Variants in RAB3A observed in about 807,000 individuals in gnomAD.
RAB3A encodes the protein ras-related protein Rab-3A.
A neutral mutation model predicts 19.7 loss-of-function variants in RAB3A; 5 were observed. The observed-to-expected ratio is 0.25, with a 90% CI of 0.13 to 0.53. RAB3A has a LOEUF of 0.53. Ranked by LOEUF, RAB3A falls within the 20% of genes least tolerant of loss-of-function variation. RAB3A has a pLI of 0.95. For missense variants in RAB3A, 189 were observed against 305.6 expected (o/e 0.62, Z 2.85); for synonymous variants, 119 against 122.1 (o/e 0.97, Z 0.17).
At chr19:18,203,244 G>A (rs188491788) in intron 1 of RAB3A, among the ~76,000 whole-genome samples, 14 of 152,352 alleles carry the variant, frequency 9.2e-5, no homozygotes, top group Non-Finnish European at 1.8e-4. Context: ...ACACGCTCAC[G>A]TGCACACAGC....
chr19:18,203,099 C>T (rs1169543630), intron 1 of RAB3A, among the ~76,000 whole-genome samples: 2 of 152,204 alleles, frequency 1.3e-5, no homozygotes, highest in Admixed American at 6.5e-5. Flanking sequence ...CCTCAGAACC[C>T]GGCCGCGCGG....
intron 3 of RAB3A, among the ~76,000 whole-genome samples, chr19:18,199,738 G>A (rs1967582820): frequency 6.7e-6 from 1 of 150,108 alleles, no homozygotes; most frequent in South Asian, 2.1e-4. Flanking sequence ...TGGTCAGGCT[G>A]GTCTCGAACT....
chr19:18,201,913 G>A (rs1967618670), intron 2 of RAB3A, among the ~76,000 whole-genome samples: 1 of 152,082 alleles, frequency 6.6e-6, no homozygotes, highest in East Asian at 1.9e-4. Flanking sequence ...AATCCAGCCT[G>A]GGCAACAGAG....
intron 4 of RAB3A, 85 bp downstream of exon 4, chr19:18,198,640 G>A (rs756693684): frequency 3.2e-6 from 5 of 1,539,396 alleles, no homozygotes; most frequent in Non-Finnish European, 4.4e-6. Flanking sequence ...CCTGGCTTTA[G>A]CTGTAAGACC....
intron 4 of RAB3A, 113 bp downstream of exon 4, chr19:18,198,612 T>G: frequency 7.3e-7 from 1 of 1,374,078 alleles, no homozygotes; most frequent in East Asian, 2.4e-5. Flanking sequence ...AAGGCTAGTT[T>G]GCAGAAAGTG....
intron 2 of RAB3A, 90 bp from the exon 3 acceptor site, chr19:18,200,535 T>A: frequency 8.8e-7 from 1 of 1,139,066 alleles, no homozygotes. Flanking sequence ...TTCAGCCCCC[T>A]GGGAGAAGCA....
intron 2 of RAB3A, among the ~76,000 whole-genome samples, chr19:18,200,727 G>A (rs1180850563): frequency 6.6e-6 from 1 of 152,070 alleles, no homozygotes; most frequent in Non-Finnish European, 1.5e-5. Context: ...TTGAACCCAG[G>A]AGTTCCAGAC....
Position 18,202,972 on chromosome 19 carries a change from C to T in RAB3A, c.1-232G>A, listed in dbSNP as rs1230933813. On this transcript the variant is annotated intron_variant, in intron 1 of 4. Coordinates refer to ENST00000222256, the MANE Select transcript of RAB3A (RefSeq NM_002866.5). The surrounding 1 kb of genome is among the most constrained non-coding windows in gnomAD (Gnocchi z 4.2). ...GCTCAGAGGGTTGCCGATGGGGACA[C>T]CCCAGCAGCCCCCTTCAAGGGGCAG... is the stretch of plus-strand genomic sequence containing the variant. 1 of 503,544 alleles carries T rather than the reference C, an allele frequency of 2.0e-6. No individual in the cohort carries two copies. The highest frequency in any genetic ancestry group is 1.9e-5 in the African/African-American group (1 of 51,960). 31.2% of individuals were successfully genotyped at this position (503,544 alleles called of 1,614,324 possible). A position where few individuals can be genotyped will look rare whatever the true frequency, so the allele number is the denominator to read the frequency against.
Position 18,202,480 on chromosome 19 carries a change from G to A in RAB3A, c.228+33C>T, listed in dbSNP as rs774746790. On this transcript the variant is annotated intron_variant, in intron 2 of 4. Transcript: ENST00000222256. The surrounding 1 kb of genome is among the most constrained non-coding windows in gnomAD (Gnocchi z 4.2). ...CTTTTCCAAGTACGGGAATCCAACC[G>A]AGCCGGGCGGGAGCCCTCCAGCTGG... 6.9e-6 allele frequency: 11 copies of A among 1,593,448 alleles called. No individual in the cohort carries two copies. Among genetic ancestry groups the A allele is most frequent in the South Asian group, 6.6e-5 (6 of 90,542 alleles).
chr19:18,197,682 A>G, intron 4 of RAB3A, 22 bp from the exon 5 acceptor site: 10 of 1,591,864 alleles, frequency 6.3e-6, no homozygotes, highest in Non-Finnish European at 8.6e-6. Flanking sequence ...GAAGGCAGGG[A>G]TGAGGACCCT....
chr19:18,198,752 G>A lies in RAB3A; in HGVS notation c.445C>T (p.Arg149Cys), dbSNP rs775083651. 3.7e-6 allele frequency: 6 copies of A among 1,614,024 alleles called. No homozygotes were observed. Among genetic ancestry groups the A allele is most frequent in the Middle Eastern group, 3.3e-4 (2 of 6,084 alleles). The change falls in exon 4 of 5, where the codon CGT (arginine) becomes TGT (cysteine). Residue 149 changes from arginine (R) to cysteine (C), a missense_variant. By Grantham distance (180) the Arg-to-Cys change is radical. Coordinates refer to ENST00000222256, the MANE Select transcript of RAB3A (RefSeq NM_002866.5). ...MEDERVVSSE[R>C]GRQLADHLGF... ...AGGTGGTCAGCTAGCTGCCGGCCAC[G>A]TTCTGATGACACCACCCGCTCATCC...
intron 2 of RAB3A, among the ~76,000 whole-genome samples, chr19:18,201,535 A>G (rs927110486): frequency 3.9e-5 from 6 of 152,012 alleles, no homozygotes; most frequent in African/African-American, 1.4e-4. Flanking sequence ...TCAGTGAGCC[A>G]AGATTGCACT....
At chr19:18,197,684 G>A in intron 4 of RAB3A, 24 bp from the exon 5 acceptor site, 3 of 1,589,090 alleles carry the variant, frequency 1.9e-6, no homozygotes, top group Non-Finnish European at 8.6e-7. Flanking sequence ...AGGCAGGGAT[G>A]AGGACCCTGG....
Position 18,197,209 on chromosome 19 carries a change from C to G in RAB3A, c.*261G>C. 2.4e-6 allele frequency: 1 copy of G among 421,996 alleles called. No individual in the cohort carries two copies. Among genetic ancestry groups the G allele is most frequent in the East Asian group, 4.1e-5 (1 of 24,134 alleles). The allele number at this position is 421,996 out of a possible 1,614,324, so 26.1% of individuals were successfully genotyped here. ...GGTTCAGGAGGGTGAGCGGTGAGTT[C>G]ACGGGGCCACGAGACACCACAGCTG... On this transcript the variant is annotated 3_prime_UTR_variant, in exon 5 of 5. Transcript: ENST00000222256.
Position 18,200,524 on chromosome 19 carries a change from G to A in RAB3A, c.229-79C>T, listed in dbSNP as rs1023269663. On this transcript the variant is annotated intron_variant, in intron 2 of 4. Transcript: ENST00000222256. The stretch of plus-strand genomic sequence containing the variant: ...AGGAAATGAGCTCTGATATCATCCA[G>A]TTCAGCCCCCTGGGAGAAGCAGGAG... The A allele has an allele frequency of 2.4e-6, 3 of 1,227,852 alleles. No individual in the cohort carries two copies. The African/African-American group carries it at 4.5e-5, about 19-fold the overall frequency. The allele number at this position is 1,227,852 out of a possible 1,614,324, so 76.1% of individuals were successfully genotyped here. A position where few individuals can be genotyped will look rare whatever the true frequency, so the allele number is the denominator to read the frequency against.
Position 18,197,423 on chromosome 19 carries a change from G to A in RAB3A, c.*47C>T, listed in dbSNP as rs1967544719. 1 of 1,574,108 alleles carries A rather than the reference G, an allele frequency of 6.4e-7. No individual in the cohort carries two copies. The highest frequency in any genetic ancestry group is 8.6e-7 in the Non-Finnish European group (1 of 1,156,292). On this transcript the variant is annotated 3_prime_UTR_variant, in exon 5 of 5. Transcript: ENST00000222256. ...GCCGGGTCAGGCCCGGGTAGTTGGG[G>A]GAAGGTGGGGAAGACAGGGAAGAGG...
At position 18,201,190 on chromosome 19, in the gene RAB3A, G is replaced by A. The variant is rs546165961; in HGVS notation, c.229-745C>T. The stretch of plus-strand genomic sequence containing the variant: ...ACAGAGGTTGCAGTGAGCCGAGATC[G>A]CGCCATTGCACTCCACCCTGGGTGA... On this transcript the variant is annotated intron_variant, in intron 2 of 4. Coordinates refer to ENST00000222256, the MANE Select transcript of RAB3A (RefSeq NM_002866.5). Among the ~76,000 whole-genome samples, 9 of 149,210 alleles carry A rather than the reference G, an allele frequency of 6.0e-5. No homozygotes were observed. The South Asian group carries it at 1.1e-3, about 17-fold the overall frequency.
intron 4 of RAB3A, among the ~76,000 whole-genome samples, chr19:18,198,354 A>G (rs1365596671): frequency 1.3e-5 from 2 of 151,902 alleles, no homozygotes; most frequent in Non-Finnish European, 2.9e-5. Flanking sequence ...TGCCCAAGCT[A>G]TTTCCTCTGC....
chr19:18,203,611 CCACGCG>C (rs752825335), intron 1 of RAB3A, among the ~76,000 whole-genome samples: 2 of 152,144 alleles, frequency 1.3e-5, no homozygotes, highest in Non-Finnish European at 2.9e-5. Flanking sequence ...CGTGTGCACA[CCACGCG>C]CACGCGCACG....
Sources: gnomAD v4.1 joint callset for allele counts (sites outside exome capture counted in the v4.1 genomes callset) on GRCh38, gnomAD v4.1.1 for gene constraint, Gnocchi (gnomAD v3.1) non-coding constraint, MANE v1.5 for transcripts, NCBI Gene and HGNC (gene_info 2026-07-23, HGNC 2026-07-21) for gene names.